RNF24: variants seen among roughly 807,000 people sequenced by gnomAD.
RNF24 encodes ring finger protein 24.
A neutral mutation model predicts 20.0 loss-of-function variants in RNF24; 14 were observed. The observed-to-expected ratio is 0.70, with a 90% CI of 0.46 to 1.10. The LOEUF (loss-of-function observed/expected upper bound fraction) is 1.10. Ranked by LOEUF, RNF24 falls within the 50% of genes least tolerant of loss-of-function variation. RNF24 has a pLI of 0.00. For missense variants in RNF24, 124 were observed against 177.6 expected (o/e 0.70, Z 1.71); for synonymous variants, 45 against 61.1 (o/e 0.74, Z 1.23).
intron 1 of RNF24, among the ~76,000 whole-genome samples, chr20:4,004,976 T>C (rs1340068789): frequency 6.6e-6 from 1 of 152,210 alleles, no homozygotes; most frequent in African/African-American, 2.4e-5. Flanking sequence ...CCTGCTATTA[T>C]CTGCAAAGAT....
intron 2 of RNF24, among the ~76,000 whole-genome samples, chr20:3,951,079 C>G (rs2091075846): frequency 6.6e-6 from 1 of 152,192 alleles, no homozygotes; most frequent in African/African-American, 2.4e-5. Flanking sequence ...CCTCAGCCTC[C>G]CAAGTAGCTG....
chr20:3,989,038 A>G (rs1980175884), intron 1 of RNF24, among the ~76,000 whole-genome samples: 1 of 152,226 alleles, frequency 6.6e-6, no homozygotes, highest in African/African-American at 2.4e-5. Flanking sequence ...GCTAAATATT[A>G]TAAAGATGTC....
chr20:3,981,274 CT>C (rs1979358139), intron 1 of RNF24, among the ~76,000 whole-genome samples: 1 of 152,056 alleles, frequency 6.6e-6, no homozygotes, highest in Non-Finnish European at 1.5e-5. Flanking sequence ...GTTTGTGCCC[CT>C]GCTTTACGAT....
intron 4 of RNF24, among the ~76,000 whole-genome samples, chr20:3,936,719 G>A (rs1437421601): frequency 1.3e-5 from 2 of 152,238 alleles, no homozygotes; most frequent in Non-Finnish European, 2.9e-5. Context: ...ACAGGGTCAG[G>A]ACTGTCCTCT....
chr20:3,982,280 G>A (rs1979476421), intron 1 of RNF24, among the ~76,000 whole-genome samples: 1 of 151,712 alleles, frequency 6.6e-6, no homozygotes, highest in South Asian at 2.1e-4. Flanking sequence ...AATTTTAACA[G>A]TATTAAGAGG....
At chr20:3,936,136 G>T (rs1194288181) in intron 4 of RNF24, among the ~76,000 whole-genome samples, 1 of 152,206 alleles carries the variant, frequency 6.6e-6, no homozygotes, top group African/African-American at 2.4e-5. Flanking sequence ...GTGCCATGTT[G>T]GTTTTTAAAC....
At position 3,963,921 on chromosome 20, in the gene RNF24, T is replaced by C. The variant is rs765682596; in HGVS notation, c.97A>G (p.Ile33Val). 6.2e-6 allele frequency: 10 copies of C among 1,610,090 alleles called. No homozygotes were observed. The South Asian group carries it at 6.6e-5, about 11-fold the overall frequency. Reference sequence around the variant, plus strand: ...AGTAAACTAAGGATGAAGACAAATATAGCAGTACCAAAAACCACAATATAT... The same window carrying C: ...AGTAAACTAAGGATGAAGACAAATACAGCAGTACCAAAAACCACAATATAT... ...NIYIVVFGTAIFVFILSLLFC... is the reference protein window; with the variant it reads ...NIYIVVFGTAVFVFILSLLFC... The change falls in exon 2 of 6, where the codon ATA becomes GTA. Residue 33 changes from isoleucine to valine, a missense_variant. Ile to Val is a conservative substitution (Grantham distance 29, BLOSUM62 3). Coordinates refer to ENST00000358395, the MANE Select transcript of RNF24 (RefSeq NM_001134337.3).
chr20:4,002,279 T>G (rs868395771), intron 1 of RNF24, among the ~76,000 whole-genome samples: 2 of 152,024 alleles, frequency 1.3e-5, no homozygotes, highest in African/African-American at 4.8e-5. Flanking sequence ...CCAGCTACTC[T>G]GGAGGCTGAG....
At position 3,969,448 on chromosome 20, in the gene RNF24, C is replaced by T. The variant is rs6052201; in HGVS notation, c.-7-5424G>A. Among the ~76,000 whole-genome samples the T allele has an allele frequency of 5.6e-4, 84 of 151,334 alleles. 2 individuals are homozygous for T. Among genetic ancestry groups the T allele is most frequent in the African/African-American group, 2.0e-3 (83 of 41,230 alleles). On this transcript the variant is annotated intron_variant, in intron 1 of 5. Transcript: ENST00000358395. ...GTTCTCTGGGCTTTGTTTTTGTCTC[C>T]TATATCCCAGACTTAGAGCTGGCAA... is the stretch of plus-strand genomic sequence containing the variant.
rs1253837661 is a variant in RNF24 at position 3,931,576 on chromosome 20, AG to A, written c.*2486del. 6.6e-6 allele frequency: 1 copy of A among 152,254 alleles called. No individual in the cohort carries two copies. The highest frequency in any genetic ancestry group is 1.5e-5 in the Non-Finnish European group (1 of 68,054). The allele number at this position is 152,254 out of a possible 1,614,324, so 9.4% of individuals were successfully genotyped here. On this transcript the variant is annotated 3_prime_UTR_variant, in exon 6 of 6. Transcript: ENST00000358395. ...TTCGGGTTGTGTTGCTAAGAGTCGC[AG>A]GAACTACTGCTAGTGATACTAGGCT...
At chr20:3,982,210 T>A (rs550079945) in intron 1 of RNF24, among the ~76,000 whole-genome samples, 25 of 151,920 alleles carry the variant, frequency 1.6e-4, no homozygotes, top group African/African-American at 5.6e-4. Context: ...TTGGGGAGAA[T>A]GGGTCTTGCT....
chr20:4,002,273 C>A (rs925405941), intron 1 of RNF24, among the ~76,000 whole-genome samples: 4 of 152,058 alleles, frequency 2.6e-5, no homozygotes, highest in Admixed American at 2.0e-4. Context: ...GTAGTCCCAG[C>A]TACTCTGGAG....
rs948491756 is a variant in RNF24 at position 3,928,816 on chromosome 20, G to A, written c.*5247C>T. ...ATTTCTGTTGTCAAATGGAAAACAAGGCATAAAGGGAAAATTCTGTAGGAA... is the reference window on the plus strand; with the variant it reads ...ATTTCTGTTGTCAAATGGAAAACAAAGCATAAAGGGAAAATTCTGTAGGAA... On this transcript the variant is annotated 3_prime_UTR_variant, in exon 6 of 6. Transcript: ENST00000358395. The A allele has an allele frequency of 4.2e-5, 6 of 143,468 alleles. No individual in the cohort carries two copies. The Admixed American group carries it at 4.2e-4, about 10-fold the overall frequency. The allele number at this position is 143,468 out of a possible 1,614,324, so 8.9% of individuals were successfully genotyped here.
intron 1 of RNF24, among the ~76,000 whole-genome samples, chr20:4,009,990 G>A (rs1364964121): frequency 6.6e-6 from 1 of 151,864 alleles, no homozygotes; most frequent in African/African-American, 2.4e-5. Context: ...GGCAGAGGTC[G>A]AAGTGAGCCG....
At chr20:3,996,962 T>C (rs1980918205) in intron 1 of RNF24, among the ~76,000 whole-genome samples, 1 of 152,064 alleles carries the variant, frequency 6.6e-6, no homozygotes, top group Non-Finnish European at 1.5e-5. Flanking sequence ...GGCTCACGCC[T>C]GTAATCCCAG....
intron 1 of RNF24, among the ~76,000 whole-genome samples, chr20:3,979,026 G>A (rs1008346458): frequency 1.3e-5 from 2 of 150,988 alleles, no homozygotes; most frequent in Non-Finnish European, 3.0e-5. Flanking sequence ...CTCGGAAGGC[G>A]GAGGGTGCAG....
intron 2 of RNF24, among the ~76,000 whole-genome samples, chr20:3,950,491 T>C (rs756739570): frequency 2.6e-5 from 4 of 152,236 alleles, no homozygotes; most frequent in Non-Finnish European, 4.4e-5. Flanking sequence ...GAAGCATGGC[T>C]CTGCCAGCAC....
chr20:3,950,439 C>G (rs1324773465), intron 2 of RNF24, among the ~76,000 whole-genome samples: 1 of 152,154 alleles, frequency 6.6e-6, no homozygotes, highest in Non-Finnish European at 1.5e-5. Flanking sequence ...TCACTGGAAG[C>G]TAGGAAGAGG....
chr20:3,933,548 T>C lies in RNF24; in HGVS notation c.*515A>G, dbSNP rs184342179. 1 of 196,834 alleles carries C rather than the reference T, an allele frequency of 5.1e-6. No homozygotes were observed. Among genetic ancestry groups the C allele is most frequent in the East Asian group, 1.2e-4 (1 of 8,248 alleles). 12.2% of individuals were successfully genotyped at this position (196,834 alleles called of 1,614,324 possible). ...ACTGCTACTCAAAGCCAAGATGGCC[T>C]TATCAAAGGCATACAACATGAGCCT... On this transcript the variant is annotated 3_prime_UTR_variant, in exon 6 of 6. Transcript: ENST00000358395.
Sources: allele counts gnomAD v4.1 joint callset (sites outside exome capture counted in the v4.1 genomes callset), GRCh38; gene constraint gnomAD v4.1.1; transcripts MANE v1.5; gene names NCBI Gene and HGNC (gene_info 2026-07-23, HGNC 2026-07-21).